The following TTC28 variants were observed in gnomAD, a reference collection of about 807,000 sequenced individuals.
TTC28 encodes tetratricopeptide repeat domain 28.
TTC28 carries 61 observed loss-of-function variants against 198.0 expected under a neutral mutation model. That is an observed-to-expected ratio of 0.31 (90% CI 0.25 to 0.38). TTC28 has a LOEUF of 0.38. Ranked by LOEUF, TTC28 falls within the 10% of genes least tolerant of loss-of-function variation. TTC28 has a pLI of 1.00. For missense variants in TTC28, 2,678 were observed against 3,164.0 expected (o/e 0.85, Z 3.69); for synonymous variants, 1,171 against 1,297.8 (o/e 0.90, Z 2.10).
intron 2 of TTC28, among the ~76,000 whole-genome samples, chr22:28,341,068 G>A (rs901172472): frequency 6.6e-6 from 1 of 152,152 alleles, no homozygotes; most frequent in African/African-American, 2.4e-5. Flanking sequence ...CTAAAACAAT[G>A]CCAAAGATGA....
At chr22:28,371,598 A>ATTTTTTTTTTTTTTTTTT (rs1409625873) in intron 2 of TTC28, among the ~76,000 whole-genome samples, 415 of 27,748 alleles carry the variant, frequency 0.015, 142 homozygotes, top group Middle Eastern at 0.14. Flanking sequence ...AAAAAAAAAA[A>ATTTTTTTTTTTTTTTTTT]TTTTTTTTTT....
At chr22:27,998,479 G>A in intron 16 of TTC28, 61 bp downstream of exon 16, 1 of 1,494,396 alleles carries the variant, frequency 6.7e-7, no homozygotes, top group South Asian at 1.3e-5. Context: ...AATAAAGTCG[G>A]GGGGCTGTGA....
rs189745129 is a variant in TTC28, at chr22:28,440,116, G to A, written c.382-133473C>T. Among the ~76,000 whole-genome samples the A allele has an allele frequency of 2.0e-5, 3 of 152,290 alleles. No individual in the cohort carries two copies. In the South Asian group the frequency reaches 6.2e-4, roughly 32 times the overall value. The stretch of plus-strand genomic sequence containing the variant: ...CTCCCAAAGTGCTGGGATTACAGGC[G>A]TGAGCCATCACGACCAGCCAGCTGT... On this transcript the variant is annotated intron_variant, in intron 2 of 22. Transcript: ENST00000397906.
intron 12 of TTC28, among the ~76,000 whole-genome samples, chr22:28,032,112 A>C (rs1158332177): frequency 1.4e-5 from 2 of 147,326 alleles, no homozygotes; most frequent in African/African-American, 5.0e-5. Context: ...TTATCTCTTT[A>C]TAAAAATAAA....
intron 5 of TTC28, among the ~76,000 whole-genome samples, chr22:28,173,449 G>T (rs1922874840): frequency 6.6e-6 from 1 of 152,162 alleles, no homozygotes; most frequent in Non-Finnish European, 1.5e-5. Flanking sequence ...AAATACTCTG[G>T]AACATCTGTA....
intron 2 of TTC28, among the ~76,000 whole-genome samples, chr22:28,495,201 A>T (rs185928911): frequency 6.6e-6 from 1 of 152,188 alleles, no homozygotes; most frequent in African/African-American, 2.4e-5. Flanking sequence ...ATTAAACAAC[A>T]TGAGTTTTTA....
At chr22:28,536,322 C>A (rs941314678) in intron 2 of TTC28, among the ~76,000 whole-genome samples, 6 of 150,314 alleles carry the variant, frequency 4.0e-5, no homozygotes, top group African/African-American at 1.5e-4. Context: ...ATGATAAAAT[C>A]TTTTTAAACT....
intron 13 of TTC28, among the ~76,000 whole-genome samples, chr22:28,026,306 G>A (rs1043004262): frequency 4.6e-5 from 7 of 152,104 alleles, no homozygotes; most frequent in African/African-American, 1.7e-4. Context: ...CATAACATGC[G>A]GTTGAGGTCC....
chr22:28,542,498 A>G (rs2049436473), intron 2 of TTC28, among the ~76,000 whole-genome samples: 1 of 152,178 alleles, frequency 6.6e-6, no homozygotes, highest in Non-Finnish European at 1.5e-5. Flanking sequence ...TTACCTAACA[A>G]TGTGAATGGA....
intron 2 of TTC28, among the ~76,000 whole-genome samples, chr22:28,496,242 T>A (rs902782931): frequency 2.0e-5 from 3 of 152,120 alleles, no homozygotes; most frequent in Admixed American, 2.0e-4. Flanking sequence ...TTTATATGAA[T>A]CTATAAATGC....
chr22:28,591,040 C>CATATATATATAT (rs377761638), intron 2 of TTC28, among the ~76,000 whole-genome samples: 3 of 30,754 alleles, frequency 9.8e-5, no homozygotes, highest in Non-Finnish European at 1.6e-4. Flanking sequence ...CACACACACA[C>CATATATATATAT]ATATATATAT....
At chr22:28,411,917 T>C (rs2047088059) in intron 2 of TTC28, among the ~76,000 whole-genome samples, 1 of 152,162 alleles carries the variant, frequency 6.6e-6, no homozygotes, top group South Asian at 2.1e-4. Flanking sequence ...ACCCTGCTGG[T>C]TGCCTAAAAT....
intron 7 of TTC28, 112 bp from the exon 8 acceptor site, chr22:28,105,914 T>G: frequency 5.6e-6 from 7 of 1,248,636 alleles, no homozygotes; most frequent in African/African-American, 1.5e-5. Flanking sequence ...ATAGAAGCTC[T>G]TAACTCCTCT....
chr22:28,196,459 G>A (rs1340047888), intron 5 of TTC28, among the ~76,000 whole-genome samples: 1 of 152,118 alleles, frequency 6.6e-6, no homozygotes, highest in Non-Finnish European at 1.5e-5. Flanking sequence ...AAACTAAAGA[G>A]CTTCTGCACA....
intron 22 of TTC28, among the ~76,000 whole-genome samples, chr22:27,984,428 C>G (rs1937138455): frequency 1.3e-5 from 2 of 152,122 alleles, no homozygotes; most frequent in African/African-American, 2.4e-5. Flanking sequence ...GAGAGAGACA[C>G]ACCCTGCCCT....
chr22:28,499,185 T>G (rs534946316), intron 2 of TTC28, among the ~76,000 whole-genome samples: 5 of 152,084 alleles, frequency 3.3e-5, no homozygotes, highest in African/African-American at 1.2e-4. Context: ...TCTAGAAAAA[T>G]AAAATAATAT....
chr22:28,383,677 TTC>T (rs1399391923), intron 2 of TTC28, among the ~76,000 whole-genome samples: 1 of 152,162 alleles, frequency 6.6e-6, no homozygotes, highest in East Asian at 1.9e-4. Context: ...TAGTCCTACT[TTC>T]AAAAAGATAT....
Position 28,199,584 on chromosome 22 carries a change from C to CTGTGTATGTGTATGTGTA in TTC28, c.934-36003_934-35986dup, listed in dbSNP as rs143224929. Among the ~76,000 whole-genome samples the CTGTGTATGTGTATGTGTA allele has an allele frequency of 2.1e-5, 3 of 144,826 alleles. 1 individual carries two copies. The highest frequency in any genetic ancestry group is 8.0e-5 in the African/African-American group (3 of 37,336). On this transcript the variant is annotated intron_variant, in intron 5 of 22. Transcript: ENST00000397906. ...ACTAAATTATTTGTGTGCATGTGCACTGTGTATGTGTATGTGTATGTGTAT... is the reference window on the plus strand; with the variant it reads ...ACTAAATTATTTGTGTGCATGTGCACTGTGTATGTGTATGTGTATGTGTATGTGTATGTGTATGTGTAT...
intron 2 of TTC28, among the ~76,000 whole-genome samples, chr22:28,518,176 T>C (rs1879404955): frequency 6.6e-6 from 1 of 152,192 alleles, no homozygotes; most frequent in South Asian, 2.1e-4. Flanking sequence ...TATCATTGGC[T>C]TTCTCTGCAC....
Sources: allele counts gnomAD v4.1 joint callset (sites outside exome capture counted in the v4.1 genomes callset), GRCh38; gene constraint gnomAD v4.1.1; transcripts MANE v1.5; gene names NCBI Gene and HGNC (gene_info 2026-07-23, HGNC 2026-07-21).